The following ATPAF1 variants were observed in gnomAD, a reference collection of about 807,000 sequenced individuals.
The protein encoded by ATPAF1 is homolog of yeast ATP11.
A neutral mutation model predicts 43.9 loss-of-function variants in ATPAF1; 26 were observed. The observed-to-expected ratio is 0.59, with a 90% CI of 0.43 to 0.82. The LOEUF is 0.82. Among genes scored for constraint, ATPAF1 ranks in the 40% least tolerant of loss-of-function variants. ATPAF1 has a pLI of 0.00. For missense variants in ATPAF1, 366 were observed against 435.0 expected, an observed-to-expected ratio of 0.84 and a Z score of 1.41; for synonymous variants, 157 against 168.0, an observed-to-expected ratio of 0.93 and a Z score of 0.50.
intron 4 of ATPAF1, among the ~76,000 whole-genome samples, chr1:46,655,540 CTTTA>C (rs1208533677): frequency 2.0e-5 from 3 of 152,152 alleles, no homozygotes; most frequent in African/African-American, 7.2e-5. Context: ...ACCACTGTTA[CTTTA>C]TTTCTTTCTA....
chr1:46,658,222 T>C (rs781621056), intron 3 of ATPAF1, 33 bp from the exon 4 acceptor site: 9 of 1,353,632 alleles, frequency 6.6e-6, no homozygotes, highest in East Asian at 2.4e-5. Context: ...AATTAACACA[T>C]AATTAAAAAA....
intron 8 of ATPAF1, among the ~76,000 whole-genome samples, chr1:46,642,845 T>A (rs922181535): frequency 6.6e-6 from 1 of 152,228 alleles, no homozygotes; most frequent in Non-Finnish European, 1.5e-5. Flanking sequence ...GTAAAATGCA[T>A]AATACTCCAC....
chr1:46,641,714 A>G (rs1675953905), intron 8 of ATPAF1, among the ~76,000 whole-genome samples: 2 of 152,144 alleles, frequency 1.3e-5, no homozygotes, highest in South Asian at 4.1e-4. Flanking sequence ...TCCTTGAAAC[A>G]TTCAATTTTA....
At chr1:46,648,435 G>C (rs1479855499) in intron 6 of ATPAF1, among the ~76,000 whole-genome samples, 1 of 152,030 alleles carries the variant, frequency 6.6e-6, no homozygotes, top group African/African-American at 2.4e-5. Context: ...TTGAGACAGG[G>C]TCTCGCTCTG....
intron 2 of ATPAF1, among the ~76,000 whole-genome samples, chr1:46,660,003 G>T (rs1424786165): frequency 6.7e-6 from 1 of 149,800 alleles, no homozygotes; most frequent in Non-Finnish European, 1.5e-5. Flanking sequence ...TTGAGACAGG[G>T]TCTAGCTCTG....
At chr1:46,667,644 C>T (rs1366465437) in intron 1 of ATPAF1, among the ~76,000 whole-genome samples, 3 of 152,144 alleles carry the variant, frequency 2.0e-5, no homozygotes, top group Non-Finnish European at 2.9e-5. Context: ...CAGTCAAGGC[C>T]CTAAGCTACC....
At chr1:46,655,628 C>T (rs563047457) in intron 4 of ATPAF1, among the ~76,000 whole-genome samples, 19 of 152,040 alleles carry the variant, frequency 1.2e-4, no homozygotes, top group Non-Finnish European at 1.8e-4. Context: ...CCATTAATAT[C>T]ATATGGATGC....
At position 46,652,644 on chromosome 1, in the gene ATPAF1, G is replaced by T. The variant is rs748278917; in HGVS notation, c.541-16C>A. 30 of 1,610,092 alleles carry T rather than the reference G, an allele frequency of 1.9e-5. No individual in the cohort carries two copies. The highest frequency in any genetic ancestry group is 2.4e-5 in the Non-Finnish European group (28 of 1,177,474). The stretch of plus-strand genomic sequence containing the variant: ...ACTTTTCTGCCTGTAGGTTGGAAAA[G>T]AATAAAGTTAACCTACACATAGTAA... On this transcript the variant is annotated splice_polypyrimidine_tract_variant and intron_variant, in intron 5 of 8. Coordinates refer to ENST00000574428, the Ensembl canonical transcript of ATPAF1.
At position 46,668,250 on chromosome 1, in the gene ATPAF1, C is replaced by A; in HGVS notation, c.73G>T (p.Gly25Cys). 1 of 1,391,636 alleles carries A rather than the reference C, an allele frequency of 7.2e-7. No homozygotes were observed. Among genetic ancestry groups the A allele is most frequent in the Non-Finnish European group, 9.3e-7 (1 of 1,069,968 alleles). 86.2% of individuals were successfully genotyped at this position (1,391,636 alleles called of 1,614,324 possible). A position where few individuals can be genotyped will look rare whatever the true frequency, so the allele number is the denominator to read the frequency against. ...GCGCGGCTGCGCACCGCGCACAGGCCCCGGTAGAGACCGGCCACCTGCAGG... is the reference window on the plus strand; with the variant it reads ...GCGCGGCTGCGCACCGCGCACAGGCACCGGTAGAGACCGGCCACCTGCAGG... The change falls in exon 1 of 9, where the codon GGC becomes TGC. Residue 25 changes from glycine (G) to cysteine (C), a missense_variant. Around this residue, in one of 2 missense-constraint regions of ATPAF1, gnomAD observed 186 missense variants for 168.5 expected, o/e 1.10. Coordinates refer to ENST00000574428, the Ensembl canonical transcript of ATPAF1. The surrounding 1 kb of genome is among the most constrained non-coding windows in gnomAD (Gnocchi z 4.4).
chr1:46,650,276 C>T (rs529144127), intron 6 of ATPAF1, among the ~76,000 whole-genome samples: 74 of 151,658 alleles, frequency 4.9e-4, no homozygotes, highest in African/African-American at 1.7e-3. Flanking sequence ...GTAATCCCAG[C>T]ACTTCGGGAG....
At chr1:46,635,071 T>TACTG (rs1675811498) in exon 9 of ATPAF1, 1 of 152,692 alleles carries the variant, frequency 6.5e-6, no homozygotes, top group African/African-American at 2.4e-5. Context: ...ATTTTATTTA[T>TACTG]ACTGCACTGA....
At chr1:46,667,076 T>G (rs577110374) in intron 1 of ATPAF1, among the ~76,000 whole-genome samples, 3 of 152,332 alleles carry the variant, frequency 2.0e-5, no homozygotes, top group African/African-American at 7.2e-5. Context: ...AAAATACTCA[T>G]TCATTTACTG....
At chr1:46,637,357 G>T (rs1032951273) in intron 8 of ATPAF1, among the ~76,000 whole-genome samples, 1 of 152,156 alleles carries the variant, frequency 6.6e-6, no homozygotes, top group African/African-American at 2.4e-5. Flanking sequence ...TCCAGCCTGG[G>T]TAACAGAGGA....
chr1:46,635,715 G>C (rs1675824199), exon 9 of ATPAF1: 2 of 1,483,904 alleles, frequency 1.3e-6, no homozygotes, highest in Non-Finnish European at 1.8e-6. Flanking sequence ...TCCTGAGGAG[G>C]GGGTGGGCTC....
At chr1:46,659,979 C>T (rs986780813) in intron 2 of ATPAF1, among the ~76,000 whole-genome samples, 5 of 141,410 alleles carry the variant, frequency 3.5e-5, no homozygotes, top group South Asian at 2.2e-4. Context: ...TTCTTTCTTT[C>T]TTTTTTTTTT....
Position 46,665,251 on chromosome 1 carries a change from C to A in ATPAF1, c.375+5G>T, listed in dbSNP as rs780652852. ...GCAAACACCACAAATGGGGGAAGGTCTTACCTTCTGTTCCACACATTTGAT... is the reference window on the plus strand; with the variant it reads ...GCAAACACCACAAATGGGGGAAGGTATTACCTTCTGTTCCACACATTTGAT... On this transcript the variant is annotated splice_donor_5th_base_variant and intron_variant, in intron 2 of 8. Coordinates refer to ENST00000574428, the Ensembl canonical transcript of ATPAF1. 6.2e-7 allele frequency: 1 copy of A among 1,613,156 alleles called. No homozygotes were observed. The highest frequency in any genetic ancestry group is 8.5e-7 in the Non-Finnish European group (1 of 1,179,052).
intron 2 of ATPAF1, among the ~76,000 whole-genome samples, chr1:46,664,240 A>G (rs1487035427): frequency 6.6e-6 from 1 of 152,242 alleles, no homozygotes; most frequent in Non-Finnish European, 1.5e-5. Context: ...ATAATGGCTA[A>G]TATATATTAA....
chr1:46,635,593 G>A (rs1178443164), exon 9 of ATPAF1: 2 of 582,212 alleles, frequency 3.4e-6, no homozygotes, highest in Non-Finnish European at 6.0e-6. Flanking sequence ...GAATGTTCAG[G>A]TACCTTTGTT....
chr1:46,660,781 T>C (rs1053760253), intron 2 of ATPAF1, among the ~76,000 whole-genome samples: 2 of 152,176 alleles, frequency 1.3e-5, no homozygotes, highest in Non-Finnish European at 2.9e-5. Flanking sequence ...GTTATCATAA[T>C]AGTTTATTGG....
Sources: gnomAD v4.1 joint callset for allele counts (sites outside exome capture counted in the v4.1 genomes callset) on GRCh38, gnomAD v4.1.1 for gene constraint, gnomAD v4.1.1 regional missense constraint, Gnocchi (gnomAD v3.1) non-coding constraint, MANE v1.5 for transcripts, NCBI Gene and HGNC (gene_info 2026-07-23, HGNC 2026-07-21) for gene names.